The following TDRD7 variants were observed in gnomAD, a reference collection of about 807,000 sequenced individuals.
TDRD7 encodes tudor domain containing 7, also known as tudor domain-containing protein 7.
TDRD7 carries 47 observed loss-of-function variants against 109.8 expected under a neutral mutation model. That is an observed-to-expected ratio of 0.43 (90% CI 0.34 to 0.55). TDRD7 has a LOEUF of 0.55. Among genes scored for constraint, TDRD7 ranks in the 20% least tolerant of loss-of-function variants. The pLI is 0.03. For missense variants in TDRD7, 1,164 were observed against 1,319.2 expected, an observed-to-expected ratio of 0.88 and a Z score of 1.82; for synonymous variants, 424 against 457.3, an observed-to-expected ratio of 0.93 and a Z score of 0.93.
chr9:97,488,560 GTT>G lies in TDRD7; in HGVS notation c.3076+1246_3076+1247del, dbSNP rs61689126. ...CAGACCTTCTTCTTCAGATTTAATG[GTT>G]TTTTTTTTTTTTTTTTTGTTTTCAC... On this transcript the variant is annotated intron_variant, in intron 16 of 16. Transcript: ENST00000355295. Among the ~76,000 whole-genome samples, 1,242 of 140,634 alleles carry G rather than the reference GTT, an allele frequency of 8.8e-3. 21 individuals are homozygous for G. Among genetic ancestry groups the G allele is most frequent in the African/African-American group, 0.031 (1,194 of 38,204 alleles). 92.3% of individuals were successfully genotyped at this position (140,634 alleles called of 152,430 possible).
At chr9:97,490,168 C>CT in intron 16 of TDRD7, among the ~76,000 whole-genome samples, 1 of 152,240 alleles carries the variant, frequency 6.6e-6, no homozygotes, top group Admixed American at 6.5e-5. Flanking sequence ...CTCTGATTTT[C>CT]TTTATGTCGA....
In TDRD7 at chr9:97,495,708, G is replaced by C; in HGVS notation, c.3122G>C (p.Arg1041Pro). 6.2e-7 allele frequency: 1 copy of C among 1,614,150 alleles called. No homozygotes were observed. Among genetic ancestry groups the C allele is most frequent in the Non-Finnish European group, 8.5e-7 (1 of 1,180,024 alleles). The change falls in exon 17 of 17, where the codon CGA (arginine) becomes CCA (proline). Residue 1041 changes from arginine to proline, a missense_variant. By Grantham distance (103) the Arg-to-Pro change is moderately radical. Transcript: ENST00000355295. Reference protein sequence around the residue: ...QWSEEASMVFRNHVEKKPLVA... With the variant: ...QWSEEASMVFPNHVEKKPLVA... ...TCTGAGGAGGCTTCTATGGTGTTTCGAAATCATGTGGAGAAGAAACCTCTG... is the reference window on the plus strand; with the variant it reads ...TCTGAGGAGGCTTCTATGGTGTTTCCAAATCATGTGGAGAAGAAACCTCTG...
At chr9:97,491,561 G>A (rs943784676) in intron 16 of TDRD7, among the ~76,000 whole-genome samples, 1 of 152,188 alleles carries the variant, frequency 6.6e-6, no homozygotes, top group Admixed American at 6.5e-5. Flanking sequence ...TGTGAGGGAT[G>A]TTATGTAGTC....
chr9:97,431,092 G>C lies in TDRD7; in HGVS notation c.349+18G>C. 1 of 1,613,580 alleles carries C rather than the reference G, an allele frequency of 6.2e-7. No homozygotes were observed. Among genetic ancestry groups the C allele is most frequent in the Non-Finnish European group, 8.5e-7 (1 of 1,179,654 alleles). The stretch of plus-strand genomic sequence containing the variant: ...TCTAGAAGGTAGGAGCTTTTTACAT[G>C]CTAAAATTTTTAGGGCTGTCTACGA... On this transcript the variant is annotated intron_variant, in intron 3 of 16. Coordinates refer to ENST00000355295, the MANE Select transcript of TDRD7 (RefSeq NM_014290.3).
intron 1 of TDRD7, among the ~76,000 whole-genome samples, chr9:97,424,377 A>G (rs1827951456): frequency 6.6e-6 from 1 of 151,752 alleles, no homozygotes; most frequent in Non-Finnish European, 1.5e-5. Context: ...TTTCTTACTG[A>G]TTTTATTTTT....
intron 1 of TDRD7, among the ~76,000 whole-genome samples, chr9:97,417,281 G>C (rs1363781774): frequency 1.3e-5 from 2 of 152,120 alleles, no homozygotes; most frequent in South Asian, 4.1e-4. Flanking sequence ...GCCCTTTTTG[G>C]CTCTGTAAGG....
chr9:97,476,115 T>G (rs941009703), intron 12 of TDRD7, among the ~76,000 whole-genome samples: 2 of 152,196 alleles, frequency 1.3e-5, no homozygotes, highest in African/African-American at 4.8e-5. Context: ...ATATCTTCAA[T>G]TTTACTAGAT....
chr9:97,483,841 C>T (rs1829166067), intron 15 of TDRD7, among the ~76,000 whole-genome samples: 1 of 151,970 alleles, frequency 6.6e-6, no homozygotes, highest in African/African-American at 2.4e-5. Flanking sequence ...GCTTTTTTCA[C>T]CTAACATTAT....
At chr9:97,442,014 A>T (rs998149833) in intron 6 of TDRD7, 139 bp downstream of exon 6, 8 of 745,160 alleles carry the variant, frequency 1.1e-5, no homozygotes, top group Non-Finnish European at 1.9e-5. Context: ...TTATCTCTTA[A>T]GATTAACATA....
At chr9:97,439,386 C>T (rs1587866933) in intron 5 of TDRD7, 68 bp downstream of exon 5, 1 of 1,326,904 alleles carries the variant, frequency 7.5e-7, no homozygotes, top group Admixed American at 1.7e-5. Flanking sequence ...CTGGTGGTGG[C>T]TTTTGACATT....
intron 10 of TDRD7, among the ~76,000 whole-genome samples, chr9:97,472,989 C>A (rs561770519): frequency 3.3e-5 from 5 of 151,894 alleles, no homozygotes; most frequent in Non-Finnish European, 7.4e-5. Context: ...CTGTGAATGT[C>A]TTTATTATGG....
At chr9:97,459,323 CA>C (rs1391198028) in intron 6 of TDRD7, among the ~76,000 whole-genome samples, 2 of 152,026 alleles carry the variant, frequency 1.3e-5, no homozygotes, top group African/African-American at 2.4e-5. Context: ...ATAATTTTTG[CA>C]AGTTATGAAA....
chr9:97,425,720 A>C (rs978284066), intron 1 of TDRD7, among the ~76,000 whole-genome samples: 1 of 152,180 alleles, frequency 6.6e-6, no homozygotes, highest in Non-Finnish European at 1.5e-5. Flanking sequence ...CCTGGTGATA[A>C]TAATTTGAAA....
chr9:97,458,099 C>T (rs149837273), intron 6 of TDRD7, among the ~76,000 whole-genome samples: 21 of 152,268 alleles, frequency 1.4e-4, no homozygotes, highest in African/African-American at 2.2e-4. Context: ...GCACATTCTG[C>T]ACATGTATCC....
At chr9:97,456,076 C>G (rs11506775) in intron 6 of TDRD7, among the ~76,000 whole-genome samples, 1 of 151,868 alleles carries the variant, frequency 6.6e-6, no homozygotes, top group Admixed American at 6.5e-5. Flanking sequence ...CATTGGCGAT[C>G]GCTACAAAGA....
rs1433488472 is a variant in TDRD7 at position 97,428,454 on chromosome 9, T to C, written c.-6-6T>C. ...ATTATAGTAACCTTCTACTGTGTTC[T>C]TATAGGCAAAGATGCTGGAAGGAGA... On this transcript the variant is annotated splice_polypyrimidine_tract_variant and splice_region_variant and intron_variant, in intron 1 of 16. Transcript: ENST00000355295. The C allele has an allele frequency of 1.2e-6, 2 of 1,613,536 alleles. No individual in the cohort carries two copies. Among genetic ancestry groups the C allele is most frequent in the Admixed American group, 3.3e-5 (2 of 59,960 alleles).
At chr9:97,476,623 T>G (rs1829025900) in intron 12 of TDRD7, among the ~76,000 whole-genome samples, 1 of 151,708 alleles carries the variant, frequency 6.6e-6, no homozygotes, top group African/African-American at 2.4e-5. Context: ...TTGATTTTTT[T>G]TTTCTTTTTT....
At chr9:97,417,830 A>G (rs1303623330) in intron 1 of TDRD7, among the ~76,000 whole-genome samples, 2 of 152,206 alleles carry the variant, frequency 1.3e-5, no homozygotes, top group Non-Finnish European at 2.9e-5. Flanking sequence ...TATGTGCATT[A>G]AAAAGGGGGT....
At chr9:97,494,725 TCGAGAGGG>T (rs1829367776) in intron 16 of TDRD7, among the ~76,000 whole-genome samples, 1 of 45,850 alleles carries the variant, frequency 2.2e-5, no homozygotes, top group African/African-American at 1.0e-4. Context: ...TTTTTTTTTT[TCGAGAGGG>T]TCTCACTTTG....
Sources: allele counts gnomAD v4.1 joint callset (sites outside exome capture counted in the v4.1 genomes callset), GRCh38; gene constraint gnomAD v4.1.1; transcripts MANE v1.5; gene names NCBI Gene and HGNC (gene_info 2026-07-23, HGNC 2026-07-21).